Variants in WDFY3 observed in about 807,000 individuals in gnomAD.
WDFY3 encodes the protein WD repeat and FYVE domain-containing protein 3.
A neutral mutation model predicts 409.6 loss-of-function variants in WDFY3; 66 were observed. The ratio of observed to expected loss-of-function variants is 0.16; its 90% CI spans 0.13 to 0.20. The LOEUF is 0.20. Among genes scored for constraint, WDFY3 ranks in the 10% least tolerant of loss-of-function variants. The pLI is 1.00. For synonymous variants in WDFY3, 1,521 were observed against 1,537.1 expected, an observed-to-expected ratio of 0.99 and a Z score of 0.25; for missense variants, 3,031 against 4,298.1, an observed-to-expected ratio of 0.71 and a Z score of 8.24.
chr4:84,746,624 G>A (rs1282021076), intron 36 of WDFY3, among the ~76,000 whole-genome samples: 1 of 151,866 alleles, frequency 6.6e-6, no homozygotes, highest in Non-Finnish European at 1.5e-5. Flanking sequence ...GGTCCTAGTG[G>A]CCTAGTTTGA....
At chr4:84,770,100 C>T (rs1452584723) in intron 30 of WDFY3, among the ~76,000 whole-genome samples, 9 of 151,786 alleles carry the variant, frequency 5.9e-5, no homozygotes, top group Non-Finnish European at 1.3e-4. Context: ...GTGATCTCTG[C>T]TCACTGCAAG....
At chr4:84,955,804 G>A (rs755948615) in intron 1 of WDFY3, among the ~76,000 whole-genome samples, 3 of 151,996 alleles carry the variant, frequency 2.0e-5, no homozygotes, top group African/African-American at 7.2e-5. Context: ...ACTAAGTAAC[G>A]AATATTTTGA....
At chr4:84,839,162 G>C (rs1176907059) in intron 6 of WDFY3, among the ~76,000 whole-genome samples, 2 of 152,068 alleles carry the variant, frequency 1.3e-5, no homozygotes, top group Admixed American at 6.5e-5. Context: ...AATTTTTTAA[G>C]TGATTAGGTT....
chr4:84,882,684 C>T (rs1158635835), intron 3 of WDFY3, among the ~76,000 whole-genome samples: 1 of 151,564 alleles, frequency 6.6e-6, no homozygotes, highest in African/African-American at 2.4e-5. Flanking sequence ...GGATTTATAC[C>T]CTTTGTTAAT....
chr4:84,922,729 A>G (rs1363301032), intron 2 of WDFY3, among the ~76,000 whole-genome samples: 1 of 151,964 alleles, frequency 6.6e-6, no homozygotes, highest in Non-Finnish European at 1.5e-5. Flanking sequence ...GCACCATCAA[A>G]GCTCCCTGCA....
Position 84,724,318 on chromosome 4 carries a change from A to G in WDFY3, c.7441+108T>C, listed in dbSNP as rs1284152256. On this transcript the variant is annotated intron_variant, in intron 46 of 67. Coordinates refer to ENST00000295888, the MANE Select transcript of WDFY3 (RefSeq NM_014991.6). ...GTGAGATGGTAAAATGTGTATGGAT[A>G]TTTTTAAAGTTGGCCCTACTATTTA... 3.9e-6 allele frequency: 5 copies of G among 1,277,298 alleles called. No individual in the cohort carries two copies. In the East Asian group the frequency reaches 1.2e-4, roughly 31 times the overall value. 79.1% of individuals were successfully genotyped at this position (1,277,298 alleles called of 1,614,324 possible).
In WDFY3 at chr4:84,831,480, A is replaced by G; in HGVS notation, c.702T>C (p.Ser234=). ...CPPYNLPWRK[S]AGEVLMTISR... Reference sequence around the variant, plus strand: ...ATATGGTCATGAGGACTTCTCCAGCACTCTTTCTCCAAGGCAGGTTATAGG... The same window carrying G: ...ATATGGTCATGAGGACTTCTCCAGCGCTCTTTCTCCAAGGCAGGTTATAGG... Residue 234 remains serine (S), a synonymous_variant, in exon 8 of 68, where the codon AGT becomes AGC. Transcript: ENST00000295888. 6.2e-7 allele frequency: 1 copy of G among 1,613,908 alleles called. No individual in the cohort carries two copies. Among genetic ancestry groups the G allele is most frequent in the Non-Finnish European group, 8.5e-7 (1 of 1,179,948 alleles).
At position 84,682,408 on chromosome 4, in the gene WDFY3, T is replaced by C. The variant is rs1343770505; in HGVS notation, c.9789A>G (p.Leu3263=). 1.2e-6 allele frequency: 2 copies of C among 1,614,038 alleles called. No individual in the cohort carries two copies. The highest frequency in any genetic ancestry group is 8.5e-7 in the Non-Finnish European group (1 of 1,180,018). ...ETPAPEPAEV[L]EMQEDCPEAQ... ...CTTCTGGACAGTCTTCCTGCATTTC[T>C]AGGACTTCAGCAGGCTCAGGAGCTG... is the stretch of plus-strand genomic sequence containing the variant. Residue 3263 remains leucine, a synonymous_variant, in exon 64 of 68, where the codon CTA becomes CTG. Transcript: ENST00000295888.
chr4:84,709,256 G>A (rs764230516), intron 52 of WDFY3, 37 bp downstream of exon 52: 45 of 1,575,442 alleles, frequency 2.9e-5, no homozygotes, highest in Middle Eastern at 1.7e-4. Flanking sequence ...CTCTAATTAC[G>A]AACTTCTAAG....
At chr4:84,879,675 A>G (rs926203476) in intron 3 of WDFY3, among the ~76,000 whole-genome samples, 2 of 152,150 alleles carry the variant, frequency 1.3e-5, no homozygotes, top group African/African-American at 4.8e-5. Flanking sequence ...ATCAAAATAA[A>G]AAAAAAGTAA....
intron 3 of WDFY3, among the ~76,000 whole-genome samples, chr4:84,881,881 CAAA>C (rs1360342578): frequency 8.5e-6 from 1 of 117,784 alleles, no homozygotes; most frequent in African/African-American, 3.2e-5. Context: ...ACCCTGTCTC[CAAA>C]AAAAAAAAAA....
chr4:84,717,059 G>GGATA, intron 48 of WDFY3, 43 bp from the exon 49 acceptor site: 1 of 1,521,622 alleles, frequency 6.6e-7, no homozygotes, highest in Non-Finnish European at 8.8e-7. Flanking sequence ...ACACAGCAAG[G>GGATA]GATAAATTCA....
chr4:84,817,274 G>A, intron 13 of WDFY3, 118 bp downstream of exon 13: 2 of 1,293,086 alleles, frequency 1.5e-6, no homozygotes, highest in South Asian at 1.4e-5. Context: ...AAGTTGTGAG[G>A]TTTCTTGGGT....
chr4:84,900,217 C>T lies in WDFY3; in HGVS notation c.-131-3207G>A, dbSNP rs536529376. Among the ~76,000 whole-genome samples, 24 of 152,186 alleles carry T rather than the reference C, an allele frequency of 1.6e-4. No individual in the cohort carries two copies. The South Asian group carries it at 5.0e-3, about 32-fold the overall frequency. On this transcript the variant is annotated intron_variant, in intron 2 of 67. Transcript: ENST00000295888. ...CAAACTATGGTGCACCCATACAACT[C>T]AACAAAAGTAAAATAATTTTTTTTT... is the stretch of plus-strand genomic sequence containing the variant.
At chr4:84,678,721 G>A (rs997551793) in intron 65 of WDFY3, among the ~76,000 whole-genome samples, 198 bp downstream of exon 65, 6 of 152,182 alleles carry the variant, frequency 3.9e-5, no homozygotes, top group Non-Finnish European at 7.3e-5. Flanking sequence ...CACCATCGTA[G>A]GATAGAATTT....
chr4:84,786,282 TC>T, intron 23 of WDFY3, 143 bp from the exon 24 acceptor site: 2 of 758,186 alleles, frequency 2.6e-6, no homozygotes, highest in Non-Finnish European at 4.0e-6. Context: ...AACTATCTTC[TC>T]AGCTCTTCAT....
chr4:84,775,115 T>C lies in WDFY3; in HGVS notation c.4542A>G (p.Glu1514=). The C allele has an allele frequency of 6.2e-7, 1 of 1,613,438 alleles. No individual in the cohort carries two copies. The highest frequency in any genetic ancestry group is 8.5e-7 in the Non-Finnish European group (1 of 1,179,850). ...DFEVWLHAPY[E]LHLSLFEHFI... ...AGTGTTCAAATAAGGAAAGATGAAG[T>C]TCATATGGTGCATGGAGCCAGACCT... is the stretch of plus-strand genomic sequence containing the variant. The change falls in exon 28 of 68, where the codon GAA becomes GAG. Residue 1514 remains glutamate (E), a synonymous_variant. Coordinates refer to ENST00000295888, the MANE Select transcript of WDFY3 (RefSeq NM_014991.6).
chr4:84,712,637 C>T (rs1173141127), intron 51 of WDFY3, among the ~76,000 whole-genome samples: 2 of 151,662 alleles, frequency 1.3e-5, no homozygotes, highest in Non-Finnish European at 2.9e-5. Context: ...AGGAGAATCG[C>T]CATGAACCCA....
chr4:84,878,273 G>A (rs1241237131), intron 3 of WDFY3, among the ~76,000 whole-genome samples: 1 of 152,090 alleles, frequency 6.6e-6, no homozygotes, highest in African/African-American at 2.4e-5. Flanking sequence ...TGAGGACAAG[G>A]AACATCCCAA....
Sources: allele counts gnomAD v4.1 joint callset (sites outside exome capture counted in the v4.1 genomes callset), GRCh38; gene constraint gnomAD v4.1.1; transcripts MANE v1.5; gene names NCBI Gene and HGNC (gene_info 2026-07-23, HGNC 2026-07-21).